The following ITPR1 variants were observed in gnomAD, a reference collection of about 807,000 sequenced individuals.
ITPR1 encodes the protein inositol 1,4,5-trisphosphate-gated calcium channel ITPR1.
In ITPR1, 96 loss-of-function variants were observed where a neutral mutation model predicts 318.4. The ratio of observed to expected loss-of-function variants is 0.30; its 90% CI spans 0.26 to 0.36. ITPR1 has a LOEUF of 0.36. Ranked by LOEUF, ITPR1 falls within the 10% of genes least tolerant of loss-of-function variation. The pLI is 1.00. For missense variants in ITPR1, 2,440 were observed against 3,460.2 expected, an observed-to-expected ratio of 0.71 and a Z score of 7.40; for synonymous variants, 1,312 against 1,289.9, an observed-to-expected ratio of 1.02 and a Z score of -0.37.
intron 44 of ITPR1, chr3:4,751,717 T>TC (rs1404054499): frequency 6.6e-6 from 1 of 152,144 alleles, no homozygotes; most frequent in Non-Finnish European, 1.5e-5. Context: ...AATTTTTTTT[T>TC]CCCCTCTGAG....
At chr3:4,500,490 A>C (rs1187210603) in intron 2 of ITPR1, among the ~76,000 whole-genome samples, 2 of 151,392 alleles carry the variant, frequency 1.3e-5, no homozygotes, top group East Asian at 3.9e-4. Flanking sequence ...GCGTGAGACC[A>C]TCATGCCTGG....
At chr3:4,787,868 A>T (rs1287030377) in intron 51 of ITPR1, 79 bp from the exon 52 acceptor site, 4 of 972,200 alleles carry the variant, frequency 4.1e-6, no homozygotes, top group Admixed American at 2.5e-5. Context: ...TTGACCACCG[A>T]GTCTACCACC....
At chr3:4,559,222 G>A (rs891494310) in intron 4 of ITPR1, among the ~76,000 whole-genome samples, 2 of 151,636 alleles carry the variant, frequency 1.3e-5, no homozygotes, top group Non-Finnish European at 2.9e-5. Context: ...GCCCCCTCTT[G>A]TGTATGGGTG....
chr3:4,775,536 G>C lies in ITPR1; in HGVS notation c.6180+94G>C, dbSNP rs1448857519. The C allele has an allele frequency of 4.3e-6, 4 of 930,870 alleles. No homozygotes were observed. The African/African-American group carries it at 6.6e-5, about 15-fold the overall frequency. 57.7% of individuals were successfully genotyped at this position (930,870 alleles called of 1,614,324 possible). A position where few individuals can be genotyped will look rare whatever the true frequency, so the allele number is the denominator to read the frequency against. ...TTCAGAAATCACGAAGCCTGTGCCT[G>C]TTGGCCTAGGGAGTCAGTAGGACAG... is the stretch of plus-strand genomic sequence containing the variant. On this transcript the variant is annotated intron_variant, in intron 47 of 61. Coordinates refer to ENST00000649015, the MANE Select transcript of ITPR1 (RefSeq NM_001378452.1).
intron 44 of ITPR1, among the ~76,000 whole-genome samples, chr3:4,756,252 G>A (rs1011131031): frequency 3.9e-5 from 6 of 152,256 alleles, no homozygotes; most frequent in South Asian, 2.1e-4. Context: ...TTTGACAAGC[G>A]GAAGCAACGA....
Position 4,691,137 on chromosome 3 carries a change from G to C in ITPR1, c.3829-7G>C. Reference sequence around the variant, plus strand: ...TCCCTGTGCTCTTTTCCTCACTCTTGTGCCAGATCCTGGAGGCAGTAACCA... The same window carrying C: ...TCCCTGTGCTCTTTTCCTCACTCTTCTGCCAGATCCTGGAGGCAGTAACCA... On this transcript the variant is annotated splice_polypyrimidine_tract_variant and splice_region_variant and intron_variant, in intron 31 of 61. Transcript: ENST00000649015. 1 of 1,598,036 alleles carries C rather than the reference G, an allele frequency of 6.3e-7. No homozygotes were observed. The highest frequency in any genetic ancestry group is 8.6e-7 in the Non-Finnish European group (1 of 1,168,822).
intron 5 of ITPR1, among the ~76,000 whole-genome samples, chr3:4,634,941 C>T (rs1305625118): frequency 6.6e-6 from 1 of 152,200 alleles, no homozygotes; most frequent in Non-Finnish European, 1.5e-5. Flanking sequence ...CGGGGTTTGG[C>T]CATGTTGGCC....
At chr3:4,735,447 T>C (rs537443126) in intron 44 of ITPR1, 93 bp downstream of exon 44, 1 of 1,055,232 alleles carries the variant, frequency 9.5e-7, no homozygotes, top group East Asian at 2.4e-5. Context: ...TACCAAGCCT[T>C]GTTTGAGAGA....
chr3:4,751,754 A>G (rs985151937), intron 44 of ITPR1, among the ~76,000 whole-genome samples: 3 of 152,150 alleles, frequency 2.0e-5, no homozygotes, highest in Non-Finnish European at 4.4e-5. Context: ...CCCTTTGGAA[A>G]TCTTCCAGCA....
chr3:4,624,900 G>A (rs2092774106), intron 4 of ITPR1, among the ~76,000 whole-genome samples: 1 of 152,090 alleles, frequency 6.6e-6, no homozygotes, highest in Non-Finnish European at 1.5e-5. Flanking sequence ...TAAGCTGGTA[G>A]GAAAACTGCT....
chr3:4,615,528 C>T (rs960268851), intron 4 of ITPR1, among the ~76,000 whole-genome samples: 57 of 152,036 alleles, frequency 3.7e-4, no homozygotes, highest in African/African-American at 1.3e-3. Flanking sequence ...AGACATGTGC[C>T]ACCACGCCTG....
Position 4,781,075 on chromosome 3 carries a change from T to A in ITPR1, c.6387+1430T>A, listed in dbSNP as rs374568737. 4.9e-4 allele frequency among the ~76,000 whole-genome samples: 74 copies of A among 152,350 alleles called. No homozygotes were observed. The South Asian group carries it at 0.015, about 30-fold the overall frequency. On this transcript the variant is annotated intron_variant, in intron 49 of 61. Coordinates refer to ENST00000649015, the MANE Select transcript of ITPR1 (RefSeq NM_001378452.1). ...ACGTGTGTATGCTCCTGGCCTCAAA[T>A]CGCATGTAACATGTTGTCTGCTCGA...
chr3:4,814,696 C>G (rs1487052196), intron 58 of ITPR1, 134 bp downstream of exon 58: 5 of 785,966 alleles, frequency 6.4e-6, no homozygotes, highest in African/African-American at 1.7e-5. Context: ...AGCTGCGGAA[C>G]TAGCTCATCA....
chr3:4,787,947 A>C lies in ITPR1; in HGVS notation c.6616A>C (p.Ile2206Leu). The C allele has an allele frequency of 1.9e-6, 3 of 1,603,830 alleles. No homozygotes were observed. The highest frequency in any genetic ancestry group is 2.6e-6 in the Non-Finnish European group (3 of 1,174,364). ...FYAKHTAQIE[I>L]VRLDRTMEQI... ...AATCTCATCCACTTTTTCATCCTAG[A>C]TTGTCAGATTAGACCGAACAATGGA... The change falls in exon 52 of 62, where the codon ATT becomes CTT. Residue 2206 changes from isoleucine to leucine, a missense_variant and splice_region_variant. Ile to Leu is a conservative substitution (Grantham distance 5, BLOSUM62 2). This residue lies in a region of ITPR1 where 115 missense variants were observed against 204.5 expected (regional missense o/e 0.56). Coordinates refer to ENST00000649015, the MANE Select transcript of ITPR1 (RefSeq NM_001378452.1).
At chr3:4,542,659 G>C (rs1192115225) in intron 4 of ITPR1, among the ~76,000 whole-genome samples, 1 of 129,688 alleles carries the variant, frequency 7.7e-6, no homozygotes, top group Non-Finnish European at 1.7e-5. Flanking sequence ...CCATTGCATT[G>C]AAGCTGTAGC....
At chr3:4,768,071 A>C (rs1354075379) in intron 45 of ITPR1, among the ~76,000 whole-genome samples, 1 of 152,230 alleles carries the variant, frequency 6.6e-6, no homozygotes, top group African/African-American at 2.4e-5. Flanking sequence ...TAACACACAC[A>C]AAGTTCTTCA....
chr3:4,731,057 T>A (rs1029114979), intron 42 of ITPR1, among the ~76,000 whole-genome samples: 1 of 152,236 alleles, frequency 6.6e-6, no homozygotes, highest in African/African-American at 2.4e-5. Context: ...ATCAAATAGA[T>A]GCATTATGAT....
At chr3:4,514,408 A>C (rs979621769) in intron 2 of ITPR1, among the ~76,000 whole-genome samples, 13 of 152,354 alleles carry the variant, frequency 8.5e-5, no homozygotes, top group African/African-American at 3.1e-4. Context: ...GCTGCAAGCA[A>C]CATGGGGTAC....
rs1421501822 is a variant in ITPR1, at chr3:4,565,787, G to A, written c.163+44693G>A. Among the ~76,000 whole-genome samples, 3 of 152,228 alleles carry A rather than the reference G, an allele frequency of 2.0e-5. No individual in the cohort carries two copies. In the East Asian group the frequency reaches 5.8e-4, roughly 29 times the overall value. On this transcript the variant is annotated intron_variant, in intron 4 of 61. Transcript: ENST00000649015. ...AACAGAATTAAAATTTCAACTTCTA[G>A]GGAATTAAATTGAGTGCAACTTCAG...
Sources: allele counts gnomAD v4.1 joint callset (sites outside exome capture counted in the v4.1 genomes callset), GRCh38; gene constraint gnomAD v4.1.1; regional missense constraint gnomAD v4.1.1; transcripts MANE v1.5; gene names NCBI Gene and HGNC (gene_info 2026-07-23, HGNC 2026-07-21).